Variants in PPP1R10 observed in about 807,000 individuals in gnomAD.
PPP1R10 encodes the protein serine/threonine-protein phosphatase 1 regulatory subunit 10.
A neutral mutation model predicts 99.0 loss-of-function variants in PPP1R10; 15 were observed. The observed-to-expected ratio is 0.15, with a 90% CI of 0.10 to 0.23. The LOEUF is 0.23. Ranked by LOEUF, PPP1R10 falls within the 10% of genes least tolerant of loss-of-function variation. The pLI is 1.00. For synonymous variants in PPP1R10, 430 were observed against 449.5 expected, an observed-to-expected ratio of 0.96 and a Z score of 0.55; for missense variants, 947 against 1,259.4, an observed-to-expected ratio of 0.75 and a Z score of 3.75.
rs1467705190 is a variant in PPP1R10, at chr6:30,603,543, C to T, written c.1696G>A (p.Gly566Ser). 1 of 1,614,050 alleles carries T rather than the reference C, an allele frequency of 6.2e-7. No individual in the cohort carries two copies. Among genetic ancestry groups the T allele is most frequent in the Non-Finnish European group, 8.5e-7 (1 of 1,179,978 alleles). The change falls in exon 16 of 20, where the codon GGT becomes AGT. Residue 566 changes from glycine (G) to serine (S), a missense_variant. By Grantham distance (56) the Gly-to-Ser change is moderately conservative. Coordinates refer to ENST00000376511, the MANE Select transcript of PPP1R10 (RefSeq NM_002714.4). ...GGGCCTTGGGGGCCCTTTCCAGCAC[C>T]CATGCTTCCCATAAGATTGGCCAGA... ...PVLANLMGSM[G>S]AGKGPQGPGG...
chr6:30,610,911 T>G (rs375106596), intron 2 of PPP1R10, among the ~76,000 whole-genome samples: 2 of 152,196 alleles, frequency 1.3e-5, no homozygotes, highest in African/African-American at 4.8e-5. Context: ...GCTCCTTTTA[T>G]GGAAGGGACA....
rs771210846 is a variant in PPP1R10 at position 30,608,934 on chromosome 6, T to C, written c.195-20A>G. 1.2e-6 allele frequency: 2 copies of C among 1,613,642 alleles called. No homozygotes were observed. Among genetic ancestry groups the C allele is most frequent in the Non-Finnish European group, 1.7e-6 (2 of 1,179,860 alleles). On this transcript the variant is annotated intron_variant, in intron 4 of 19. Transcript: ENST00000376511. ...ATAAATCTGCAGGCAGGCAGGAGAG[T>C]CTATCAGTAATGCCCTTTCTAGGTT...
intron 2 of PPP1R10, among the ~76,000 whole-genome samples, chr6:30,613,335 T>C (rs2127450916): frequency 6.6e-6 from 1 of 152,344 alleles, no homozygotes; most frequent in African/African-American, 2.4e-5. Context: ...AACTGTCTTC[T>C]AACAAAAGGA....
intron 16 of PPP1R10, 88 bp downstream of exon 16, chr6:30,603,383 GA>G: frequency 6.3e-7 from 1 of 1,580,118 alleles, no homozygotes; most frequent in Non-Finnish European, 8.7e-7. Flanking sequence ...TAGATGTGGA[GA>G]ACTGGGGTAA....
rs1474198567 is a variant in PPP1R10 at position 30,602,917 on chromosome 6, A to C, written c.1886T>G (p.Phe629Cys). Residue 629 changes from phenylalanine to cysteine, a missense_variant, in exon 18 of 20, where the codon TTC becomes TGC. By Grantham distance (205) the Phe-to-Cys change is radical. Transcript: ENST00000376511. This position sits in a 1 kb window ranked among gnomAD's most constrained non-coding sequence, Gnocchi z 6.7. ...GGGGCCCCCAGGACCCCCTGGTGGG[A>C]AACCATTGGCTATTGGGCCAGGGCC... ...LLGPGPIANG[F>C]PPGGPGGPKG... 2.6e-6 allele frequency: 4 copies of C among 1,555,404 alleles called. No individual in the cohort carries two copies. Among genetic ancestry groups the C allele is most frequent in the Non-Finnish European group, 2.6e-6 (3 of 1,148,582 alleles).
chr6:30,608,301 CTT>C (rs1190279084), intron 5 of PPP1R10, among the ~76,000 whole-genome samples: 5,208 of 111,458 alleles, frequency 0.047, 129 homozygotes, highest in African/African-American at 0.11. Context: ...TGACACATTC[CTT>C]TTTTTTTTTT....
intron 2 of PPP1R10, among the ~76,000 whole-genome samples, chr6:30,612,630 G>A (rs1000844072): frequency 2.0e-5 from 3 of 152,200 alleles, no homozygotes; most frequent in Non-Finnish European, 2.9e-5. Flanking sequence ...TTGATAAAAT[G>A]TAAGTGGGTT....
rs757425294 is a variant in PPP1R10, at chr6:30,604,259, C to T, written c.1262-5G>A. The stretch of plus-strand genomic sequence containing the variant: ...CCTTGATCTTATTCACATTTACTGT[C>T]GGCAGGGGAAGAAAAGCAAGAGGGA... On this transcript the variant is annotated splice_polypyrimidine_tract_variant and splice_region_variant and intron_variant, in intron 13 of 19. Coordinates refer to ENST00000376511, the MANE Select transcript of PPP1R10 (RefSeq NM_002714.4). This position sits in a 1 kb window ranked among gnomAD's most constrained non-coding sequence, Gnocchi z 7.3. 18 of 1,613,966 alleles carry T rather than the reference C, an allele frequency of 1.1e-5. No individual in the cohort carries two copies. The East Asian group carries it at 3.8e-4, about 34-fold the overall frequency.
In PPP1R10 at chr6:30,602,413, C is replaced by A. The variant is rs1388208874; in HGVS notation, c.2236G>T (p.Val746Phe). Residue 746 changes from valine (V) to phenylalanine (F), a missense_variant, in exon 19 of 20, where the codon GTT becomes TTT. This residue lies in a region of PPP1R10 where 525 missense variants were observed against 578.8 expected (regional missense o/e 0.91). Coordinates refer to ENST00000376511, the MANE Select transcript of PPP1R10 (RefSeq NM_002714.4). The surrounding 1 kb of genome is among the most constrained non-coding windows in gnomAD (Gnocchi z 6.7). ...NGRGGPGGGM[V>F]GGGGHRPHEG... Reference sequence around the variant, plus strand: ...TGAGGACGATGCCCACCACCTCCAACCATGCCCCCACCAGGGCCCCCTCGT... The same window carrying A: ...TGAGGACGATGCCCACCACCTCCAAACATGCCCCCACCAGGGCCCCCTCGT... 6.2e-7 allele frequency: 1 copy of A among 1,610,932 alleles called. No homozygotes were observed. Among genetic ancestry groups the A allele is most frequent in the Non-Finnish European group, 8.5e-7 (1 of 1,178,780 alleles).
At chr6:30,610,015 G>A (rs2239514) in intron 2 of PPP1R10, 60 bp from the exon 3 acceptor site, 25,177 of 1,040,410 alleles carry the variant, frequency 0.024, 606 homozygotes, top group African/African-American at 0.11. Context: ...AGGACTACCC[G>A]AGTAGGCCCT....
chr6:30,610,855 G>A (rs141323491), intron 2 of PPP1R10, among the ~76,000 whole-genome samples: 2 of 152,320 alleles, frequency 1.3e-5, no homozygotes, highest in East Asian at 3.9e-4. Flanking sequence ...TCCCTTTTAA[G>A]CAGCTGTTTT....
At position 30,609,295 on chromosome 6, in the gene PPP1R10, AC is replaced by A. The variant is rs751196458; in HGVS notation, c.108-133del. The stretch of plus-strand genomic sequence containing the variant: ...GCTCCAGAGAAGGGGAGTCACATAT[AC>A]CTCTAGGAAGATGGGATGGATCCAG... On this transcript the variant is annotated intron_variant, in intron 3 of 19. Coordinates refer to ENST00000376511, the MANE Select transcript of PPP1R10 (RefSeq NM_002714.4). This position sits in a 1 kb window ranked among gnomAD's most constrained non-coding sequence, Gnocchi z 4.5. The A allele has an allele frequency of 2.7e-6, 2 of 729,344 alleles. No individual in the cohort carries two copies. The highest frequency in any genetic ancestry group is 1.8e-5 in the African/African-American group (1 of 56,844). 45.2% of individuals were successfully genotyped at this position (729,344 alleles called of 1,614,324 possible).
In PPP1R10 at chr6:30,602,275, C is replaced by G. The variant is rs1463052065; in HGVS notation, c.2374G>C (p.Gly792Arg). The change falls in exon 19 of 20, where the codon GGT becomes CGT. Residue 792 changes from glycine to arginine, a missense_variant. Transcript: ENST00000376511. The surrounding 1 kb of genome is among the most constrained non-coding windows in gnomAD (Gnocchi z 6.7). ...RPHEGPGGSM[G>R]GGGGHRPHEG... The stretch of plus-strand genomic sequence containing the variant: ...TGGGGACGATGTCCTCCACCCCCAC[C>G]CATGCTACCACCAGGGCCTTCATGG... 6.2e-7 allele frequency: 1 copy of G among 1,612,546 alleles called. No homozygotes were observed. The highest frequency in any genetic ancestry group is 8.5e-7 in the Non-Finnish European group (1 of 1,179,734).
At chr6:30,603,387 T>C (rs1445353406) in intron 16 of PPP1R10, 85 bp downstream of exon 16, 2 of 1,581,750 alleles carry the variant, frequency 1.3e-6, no homozygotes, top group East Asian at 2.2e-5. Flanking sequence ...TGTGGAGAAC[T>C]GGGGTAAGGC....
chr6:30,608,273 T>G (rs892011760), intron 5 of PPP1R10, among the ~76,000 whole-genome samples: 8 of 148,682 alleles, frequency 5.4e-5, no homozygotes, highest in African/African-American at 2.0e-4. Flanking sequence ...ATTACAGGTG[T>G]GAGCCACCAC....
In PPP1R10 at chr6:30,603,657, T is replaced by C. The variant is rs1803610896; in HGVS notation, c.1582A>G (p.Met528Val). 1 of 1,599,706 alleles carries C rather than the reference T, an allele frequency of 6.3e-7. No homozygotes were observed. The highest frequency in any genetic ancestry group is 1.4e-5 in the African/African-American group (1 of 73,948). ...KLIPLDEECS[M>V]DETPYVETLE... ...GTCTCAACATACGGAGTCTCATCCATGGAACACTCCTGAAAGAAGAACAAA... is the reference window on the plus strand; with the variant it reads ...GTCTCAACATACGGAGTCTCATCCACGGAACACTCCTGAAAGAAGAACAAA... The change falls in exon 16 of 20, where the codon ATG (methionine) becomes GTG (valine). Residue 528 changes from methionine (M) to valine (V), a missense_variant. Met to Val is a conservative substitution (Grantham distance 21). Transcript: ENST00000376511.
chr6:30,604,542 CCCT>C lies in PPP1R10; in HGVS notation c.1103-34_1103-32del, dbSNP rs753587874. 2 of 1,612,746 alleles carry C rather than the reference CCCT, an allele frequency of 1.2e-6. No individual in the cohort carries two copies. Among genetic ancestry groups the C allele is most frequent in the South Asian group, 1.1e-5 (1 of 91,068 alleles). ...AGCAGAAGAGGTTTCAGACCCAGATCCCTCCTTTCAGAAAACCCCCCAAACTGA... is the reference window on the plus strand; with the variant it reads ...AGCAGAAGAGGTTTCAGACCCAGATCCCTTTCAGAAAACCCCCCAAACTGA... On this transcript the variant is annotated intron_variant, in intron 12 of 19. Coordinates refer to ENST00000376511, the MANE Select transcript of PPP1R10 (RefSeq NM_002714.4). This position sits in a 1 kb window ranked among gnomAD's most constrained non-coding sequence, Gnocchi z 7.3.
At chr6:30,614,780 A>T (rs1760279440) in intron 2 of PPP1R10, among the ~76,000 whole-genome samples, 1 of 152,150 alleles carries the variant, frequency 6.6e-6, no homozygotes, top group Non-Finnish European at 1.5e-5. Context: ...CTGGCAGCTG[A>T]AGTGGGGAAA....
chr6:30,604,958 ACT>A lies in PPP1R10; in HGVS notation c.954+34_954+35del, dbSNP rs781349284. The A allele has an allele frequency of 2.5e-6, 4 of 1,595,184 alleles. No homozygotes were observed. Among genetic ancestry groups the A allele is most frequent in the East Asian group, 2.2e-5 (1 of 44,768 alleles). ...CCCTTTCTTCTACTTTACCTTTTAT[ACT>A]CTGTCACTGAAACCTACTTCTGGGA... On this transcript the variant is annotated intron_variant, in intron 11 of 19. Transcript: ENST00000376511. This position sits in a 1 kb window ranked among gnomAD's most constrained non-coding sequence, Gnocchi z 7.3.
Sources: allele counts gnomAD v4.1 joint callset (sites outside exome capture counted in the v4.1 genomes callset), GRCh38; gene constraint gnomAD v4.1.1; regional missense constraint gnomAD v4.1.1; non-coding constraint Gnocchi (gnomAD v3.1); transcripts MANE v1.5; gene names NCBI Gene and HGNC (gene_info 2026-07-23, HGNC 2026-07-21).